CLMP: variants seen among roughly 807,000 people sequenced by gnomAD.
CLMP encodes CXADR like cell adhesion molecule, also known as CXADR-like membrane protein.
A neutral mutation model predicts 45.2 loss-of-function variants in CLMP; 27 were observed. The ratio of observed to expected loss-of-function variants is 0.60; its 90% CI spans 0.44 to 0.82. The LOEUF is 0.82. CLMP is among the 40% of genes least tolerant of loss of function. The pLI is 0.00. For synonymous variants in CLMP, 167 were observed against 171.4 expected (o/e 0.97, Z 0.20); for missense variants, 403 against 448.4 (o/e 0.90, Z 0.91).
intron 1 of CLMP, among the ~76,000 whole-genome samples, chr11:123,154,449 C>A (rs892005800): frequency 6.6e-6 from 1 of 152,140 alleles, no homozygotes; most frequent in Non-Finnish European, 1.5e-5. Flanking sequence ...GTGCAGAGGG[C>A]TTGCCCACTT....
At chr11:123,161,905 A>G (rs1861492583) in intron 1 of CLMP, among the ~76,000 whole-genome samples, 1 of 152,114 alleles carries the variant, frequency 6.6e-6, no homozygotes, top group Non-Finnish European at 1.5e-5. Context: ...CTGGCTCTCA[A>G]ATTGGAGAAC....
chr11:123,158,588 G>A (rs1424169246), intron 1 of CLMP, among the ~76,000 whole-genome samples: 1 of 152,152 alleles, frequency 6.6e-6, no homozygotes, highest in Non-Finnish European at 1.5e-5. Flanking sequence ...TCATGCTGTT[G>A]GGTGTATTAT....
At chr11:123,081,945 A>G (rs1040141327) in intron 5 of CLMP, among the ~76,000 whole-genome samples, 1 of 152,180 alleles carries the variant, frequency 6.6e-6, no homozygotes, top group African/African-American at 2.4e-5. Context: ...AAATATGCCT[A>G]AGGTACTACA....
chr11:123,137,102 A>C (rs1368477832), intron 1 of CLMP, among the ~76,000 whole-genome samples: 1 of 151,716 alleles, frequency 6.6e-6, no homozygotes, highest in East Asian at 1.9e-4. Context: ...CACAATGGAA[A>C]GAATGCTGAC....
chr11:123,119,045 C>CT (rs1860771514), intron 1 of CLMP, among the ~76,000 whole-genome samples: 2 of 32,598 alleles, frequency 6.1e-5, no homozygotes, highest in Admixed American at 3.6e-4. Context: ...CTCTCTCTCT[C>CT]CCTCTCCCTC....
Position 123,121,311 on chromosome 11 carries a change from T to C in CLMP, c.29-23359A>G, listed in dbSNP as rs566102913. Among the ~76,000 whole-genome samples the C allele has an allele frequency of 3.9e-5, 6 of 152,108 alleles. No homozygotes were observed. The South Asian group carries it at 1.2e-3, about 32-fold the overall frequency. On this transcript the variant is annotated intron_variant, in intron 1 of 6. Transcript: ENST00000448775. ...TTTTGTTTTGTTTTGTTTTGTTTTG[T>C]TTTTGAGATGGTGTCTCGTTCTGTC...
chr11:123,101,969 A>G (rs1565382512), intron 1 of CLMP, among the ~76,000 whole-genome samples: 1 of 152,112 alleles, frequency 6.6e-6, no homozygotes, highest in Non-Finnish European at 1.5e-5. Flanking sequence ...GGACTGCTTG[A>G]GTCCAGGAGT....
rs117193096 is a variant in CLMP at position 123,159,933 on chromosome 11, G to A, written c.28+34980C>T. ...GATGATAATTTTATTTTTGTAACAA[G>A]CTGTTAAATGCTCGGAGAACCACAA... is the stretch of plus-strand genomic sequence containing the variant. On this transcript the variant is annotated intron_variant, in intron 1 of 6. Coordinates refer to ENST00000448775, the MANE Select transcript of CLMP (RefSeq NM_024769.5). Among the ~76,000 whole-genome samples the A allele has an allele frequency of 4.7e-3, 716 of 152,240 alleles. 1 individual carries two copies. The highest frequency in any genetic ancestry group is 8.1e-3 in the Non-Finnish European group (551 of 68,032).
At position 123,073,497 on chromosome 11, in the gene CLMP, T is replaced by G. The variant is rs1352758843; in HGVS notation, c.1099A>C (p.Ser367Arg). Residue 367 changes from serine to arginine, a missense_variant, in exon 7 of 7, where the codon AGC (serine) becomes CGC (arginine). Physicochemically the swap from Ser to Arg is moderately radical, Grantham distance 110. Transcript: ENST00000448775. ...ATTCAGACCGTTTGGAAGGCTCTGC[T>G]CTGGCTGGGGATCATGCTGGGTGTG... The part of the protein sequence containing the change: ...ETTPSMIPSQ[S>R]RAFQTV 1 of 1,613,822 alleles carries G rather than the reference T, an allele frequency of 6.2e-7. No individual in the cohort carries two copies. Among genetic ancestry groups the G allele is most frequent in the Admixed American group, 1.7e-5 (1 of 59,966 alleles).
intron 2 of CLMP, among the ~76,000 whole-genome samples, chr11:123,089,669 C>A (rs1189380867): frequency 2.0e-5 from 3 of 150,124 alleles, no homozygotes; most frequent in African/African-American, 4.9e-5. Flanking sequence ...TCCAGCTACT[C>A]GGGAGGCTGA....
intron 2 of CLMP, among the ~76,000 whole-genome samples, chr11:123,093,096 C>T (rs962389993): frequency 1.3e-5 from 2 of 150,710 alleles, no homozygotes; most frequent in African/African-American, 2.4e-5. Flanking sequence ...TTAGTAGAGA[C>T]GGGGTTTCAC....
At position 123,194,994 on chromosome 11, in the gene CLMP, C is replaced by A; in HGVS notation, c.-54G>T. 6.3e-7 allele frequency: 1 copy of A among 1,578,874 alleles called. No homozygotes were observed. The highest frequency in any genetic ancestry group is 2.4e-5 in the East Asian group (1 of 41,336). On this transcript the variant is annotated 5_prime_UTR_variant, in exon 1 of 7. Coordinates refer to ENST00000448775, the MANE Select transcript of CLMP (RefSeq NM_024769.5). ...GCTCAGCTGCTGCTTGGCTCCGGGG[C>A]GGCCGGGCGCCTCCGACGGACCTCG...
At chr11:123,098,026 A>G in intron 1 of CLMP, 74 bp from the exon 2 acceptor site, 1 of 1,272,166 alleles carries the variant, frequency 7.9e-7, no homozygotes, top group Non-Finnish European at 1.1e-6. Context: ...ATGACAACAA[A>G]GAATTATGGG....
At chr11:123,181,446 T>G (rs1025347249) in intron 1 of CLMP, among the ~76,000 whole-genome samples, 1 of 152,244 alleles carries the variant, frequency 6.6e-6, no homozygotes, top group African/African-American at 2.4e-5. Context: ...CTTGCTCCAC[T>G]GTGAGCTGAA....
At chr11:123,118,035 G>C (rs998628771) in intron 1 of CLMP, among the ~76,000 whole-genome samples, 2 of 152,174 alleles carry the variant, frequency 1.3e-5, no homozygotes, top group African/African-American at 4.8e-5. Flanking sequence ...TGTGTTCATG[G>C]AAAGCTGACC....
At position 123,076,170 on chromosome 11, in the gene CLMP, A is replaced by T. The variant is rs558798814; in HGVS notation, c.680-1327T>A. 2.0e-3 allele frequency among the ~76,000 whole-genome samples: 302 copies of T among 152,190 alleles called. 2 individuals are homozygous for T. Among genetic ancestry groups the T allele is most frequent in the Middle Eastern group, 0.014 (4 of 294 alleles). ...CAAGACTCTGTCTCAAAAAAAAAAA[A>T]TTTTGAGTAGAATAAAAGTTGATTT... On this transcript the variant is annotated intron_variant, in intron 5 of 6. Coordinates refer to ENST00000448775, the MANE Select transcript of CLMP (RefSeq NM_024769.5).
chr11:123,094,293 G>A (rs905746441), intron 2 of CLMP, among the ~76,000 whole-genome samples: 11 of 152,252 alleles, frequency 7.2e-5, no homozygotes, highest in Admixed American at 6.5e-4. Flanking sequence ...TTTTAGTAGA[G>A]GTGGGGTTTC....
intron 1 of CLMP, among the ~76,000 whole-genome samples, chr11:123,112,501 C>T (rs942421070): frequency 1.3e-5 from 2 of 151,652 alleles, no homozygotes; most frequent in African/African-American, 4.8e-5. Context: ...CCACGCTTGG[C>T]TAATTTTGTG....
chr11:123,160,279 C>CAAAAAA (rs67087501), intron 1 of CLMP, among the ~76,000 whole-genome samples: 13 of 46,612 alleles, frequency 2.8e-4, no homozygotes, highest in Non-Finnish European at 3.8e-4. Flanking sequence ...GACTCTGTCT[C>CAAAAAA]AAAAAAAAAA....
Sources: gnomAD v4.1 joint callset for allele counts (sites outside exome capture counted in the v4.1 genomes callset) on GRCh38, gnomAD v4.1.1 for gene constraint, MANE v1.5 for transcripts, NCBI Gene and HGNC (gene_info 2026-07-23, HGNC 2026-07-21) for gene names.